The following CDH13 variants were observed in gnomAD, a reference collection of about 807,000 sequenced individuals.
The protein encoded by CDH13 is cadherin-13.
In CDH13, 24 loss-of-function variants were observed where a neutral mutation model predicts 63.8. That is an observed-to-expected ratio of 0.38 (90% CI 0.27 to 0.53). CDH13 has a LOEUF of 0.53. CDH13 is among the 20% of genes least tolerant of loss of function. The probability of loss-of-function intolerance (pLI) is 0.85; values close to 1 mark genes in which losing one functional copy is unlikely to be tolerated. For missense variants in CDH13, 1,049 were observed against 903.1 expected, an observed-to-expected ratio of 1.16 and a Z score of -2.07; for synonymous variants, 503 against 355.3, an observed-to-expected ratio of 1.42 and a Z score of -4.67.
chr16:83,509,137 A>T (rs762040475), intron 7 of CDH13, among the ~76,000 whole-genome samples: 7 of 152,152 alleles, frequency 4.6e-5, no homozygotes, highest in Non-Finnish European at 1.0e-4. Flanking sequence ...TCCCATACTT[A>T]GGGTCACCCT....
chr16:83,429,534 A>ACACACACT (rs1477390173), intron 6 of CDH13, among the ~76,000 whole-genome samples: 2 of 151,850 alleles, frequency 1.3e-5, no homozygotes, highest in African/African-American at 4.8e-5. Context: ...ACACACACAC[A>ACACACACT]CTCACACAGC....
At chr16:83,541,024 G>A (rs531235849) in intron 7 of CDH13, among the ~76,000 whole-genome samples, 7 of 152,178 alleles carry the variant, frequency 4.6e-5, no homozygotes, top group Admixed American at 3.3e-4. Flanking sequence ...AATTGTCTTG[G>A]GATCATCTTG....
intron 5 of CDH13, among the ~76,000 whole-genome samples, chr16:83,324,504 T>C (rs1034434506): frequency 6.6e-6 from 1 of 152,236 alleles, no homozygotes; most frequent in African/African-American, 2.4e-5. Flanking sequence ...CATGCAACAC[T>C]TGCCCTTCCA....
chr16:83,235,333 G>C (rs2151808146), intron 5 of CDH13, among the ~76,000 whole-genome samples: 1 of 152,306 alleles, frequency 6.6e-6, no homozygotes, highest in Middle Eastern at 3.4e-3. Flanking sequence ...CTGCGGAGAA[G>C]CCCCGGTGTA....
chr16:83,521,965 C>A (rs1476358336), intron 7 of CDH13, among the ~76,000 whole-genome samples: 2 of 152,084 alleles, frequency 1.3e-5, no homozygotes, highest in Non-Finnish European at 2.9e-5. Context: ...ATTTTTCAAG[C>A]GATTTTCTGA....
chr16:83,282,204 A>T (rs949670175), intron 5 of CDH13, among the ~76,000 whole-genome samples: 1 of 152,138 alleles, frequency 6.6e-6, no homozygotes, highest in African/African-American at 2.4e-5. Context: ...CCCAAAACAG[A>T]TACAATAGTA....
Position 83,129,458 on chromosome 16 carries a change from A to G in CDH13, c.483+3957A>G, listed in dbSNP as rs567910539. On this transcript the variant is annotated intron_variant, in intron 4 of 13. Transcript: ENST00000567109. ...ATAAAGTAAGGGAGAGACGTGGAGA[A>G]GGGAAGGCAGCTAGGAGAGAAGCTT... 2.8e-3 allele frequency among the ~76,000 whole-genome samples: 430 copies of G among 152,302 alleles called. 1 individual carries two copies. The highest frequency in any genetic ancestry group is 5.0e-3 in the Non-Finnish European group (342 of 68,024).
At chr16:82,646,458 T>G (rs1910106301) in intron 1 of CDH13, 1 of 152,140 alleles carries the variant, frequency 6.6e-6, no homozygotes, top group Non-Finnish European at 1.5e-5. Flanking sequence ...CCTCCCAAAG[T>G]GCTAGGATTA....
chr16:82,711,977 A>G (rs1223764731), intron 1 of CDH13, among the ~76,000 whole-genome samples: 3 of 152,208 alleles, frequency 2.0e-5, no homozygotes, highest in East Asian at 1.9e-4. Flanking sequence ...TTTTGAGGCT[A>G]GGTGATCTCA....
chr16:83,731,220 G>A (rs887930543), intron 10 of CDH13, among the ~76,000 whole-genome samples: 7 of 152,202 alleles, frequency 4.6e-5, no homozygotes. Flanking sequence ...TCTGTTCTAA[G>A]TTCTTTGAGA....
At chr16:82,713,954 C>G (rs897213194) in intron 1 of CDH13, among the ~76,000 whole-genome samples, 4 of 152,074 alleles carry the variant, frequency 2.6e-5, no homozygotes, top group African/African-American at 9.6e-5. Context: ...TATCATTATT[C>G]TTTTTTGAGA....
intron 7 of CDH13, among the ~76,000 whole-genome samples, chr16:83,560,333 A>C (rs2075681768): frequency 6.6e-6 from 1 of 152,352 alleles, no homozygotes; most frequent in Non-Finnish European, 1.5e-5. Flanking sequence ...ATGGAACACT[A>C]CTCAGCCTTT....
chr16:83,715,445 G>A (rs1459465583), intron 10 of CDH13, among the ~76,000 whole-genome samples: 6 of 152,134 alleles, frequency 3.9e-5, no homozygotes, highest in East Asian at 3.9e-4. Context: ...TACTGGCTGC[G>A]GTAAGGGAGC....
At chr16:82,847,967 A>C (rs139991281) in intron 1 of CDH13, among the ~76,000 whole-genome samples, 10 of 152,218 alleles carry the variant, frequency 6.6e-5, no homozygotes, top group South Asian at 2.1e-4. Context: ...TGAAGTCAAA[A>C]TAAAAATGTA....
At chr16:83,404,928 G>A (rs912638323) in intron 6 of CDH13, among the ~76,000 whole-genome samples, 10 of 152,114 alleles carry the variant, frequency 6.6e-5, no homozygotes, top group Admixed American at 2.6e-4. Context: ...AAAAACATTC[G>A]TTAGGTTGTG....
intron 6 of CDH13, among the ~76,000 whole-genome samples, chr16:83,406,708 C>T (rs1035491949): frequency 1.3e-5 from 2 of 152,174 alleles, no homozygotes; most frequent in East Asian, 1.9e-4. Context: ...TCAGGTGATC[C>T]ACCCGCCTCA....
chr16:83,528,689 C>T (rs577417959), intron 7 of CDH13, among the ~76,000 whole-genome samples: 147 of 152,322 alleles, frequency 9.7e-4, no homozygotes, highest in African/African-American at 3.3e-3. Flanking sequence ...AATTCTCTGA[C>T]AGTGCTGAGA....
chr16:82,911,683 C>G (rs892090838), intron 2 of CDH13, among the ~76,000 whole-genome samples: 1 of 152,148 alleles, frequency 6.6e-6, no homozygotes, highest in Non-Finnish European at 1.5e-5. Flanking sequence ...GCAGACAGCA[C>G]CTGGTAAACA....
intron 6 of CDH13, among the ~76,000 whole-genome samples, chr16:83,366,759 G>C (rs912497583): frequency 2.0e-5 from 3 of 152,250 alleles, no homozygotes; most frequent in Admixed American, 2.0e-4. Context: ...CTTCATTGCA[G>C]AATTGCTGGA....
Sources: allele counts gnomAD v4.1 joint callset (sites outside exome capture counted in the v4.1 genomes callset), GRCh38; gene constraint gnomAD v4.1.1; transcripts MANE v1.5; gene names NCBI Gene and HGNC (gene_info 2026-07-23, HGNC 2026-07-21).